The following IL6R variants were observed in gnomAD, a reference collection of about 807,000 sequenced individuals.
IL6R encodes interleukin 6 receptor.
IL6R carries 38 observed loss-of-function variants against 48.3 expected under a neutral mutation model. That is an observed-to-expected ratio of 0.79 (90% CI 0.61 to 1.03). The LOEUF is 1.03. Ranked by LOEUF, IL6R falls within the 50% of genes least tolerant of loss-of-function variation. The probability of loss-of-function intolerance (pLI) is 0.00; values close to 1 mark genes in which losing one functional copy is unlikely to be tolerated. For missense variants in IL6R, 534 were observed against 618.3 expected, an observed-to-expected ratio of 0.86 and a Z score of 1.45; for synonymous variants, 264 against 256.2, an observed-to-expected ratio of 1.03 and a Z score of -0.29.
At chr1:154,454,106 G>T (rs775857379) in intron 8 of IL6R, 2 of 235,610 alleles carry the variant, frequency 8.5e-6, no homozygotes, top group Middle Eastern at 1.6e-3. Context: ...AAAGCCTTCC[G>T]TTTGTTGTAC....
rs1056035629 is a variant in IL6R at position 154,468,176 on chromosome 1, G to C, written c.*2796G>C. 7 of 152,188 alleles carry C rather than the reference G, an allele frequency of 4.6e-5. No homozygotes were observed. The highest frequency in any genetic ancestry group is 1.7e-4 in the African/African-American group (7 of 41,426). The allele number at this position is 152,188 out of a possible 1,614,324, so 9.4% of individuals were successfully genotyped here. A position where few individuals can be genotyped will look rare whatever the true frequency, so the allele number is the denominator to read the frequency against. ...CTCTGGGCTGTAGGCCTGGCTCAGCGTACACAGGTATACATCCTAAGCTCT... is the reference window on the plus strand; with the variant it reads ...CTCTGGGCTGTAGGCCTGGCTCAGCCTACACAGGTATACATCCTAAGCTCT... On this transcript the variant is annotated 3_prime_UTR_variant, in exon 10 of 10. Transcript: ENST00000368485.
intron 1 of IL6R, among the ~76,000 whole-genome samples, chr1:154,420,689 C>A (rs1458460749): frequency 6.6e-6 from 1 of 151,618 alleles, no homozygotes; most frequent in Admixed American, 6.6e-5. Context: ...GCACACACCA[C>A]CAAGCCTGGC....
chr1:154,437,562 T>C (rs1288224970), intron 6 of IL6R: 1 of 393,738 alleles, frequency 2.5e-6, no homozygotes, highest in Non-Finnish European at 5.2e-6. Flanking sequence ...CACAGGCGTG[T>C]GCCACAATGC....
intron 6 of IL6R, among the ~76,000 whole-genome samples, chr1:154,442,580 G>GC (rs1156774227): frequency 3.3e-5 from 5 of 152,274 alleles, no homozygotes; most frequent in Admixed American, 1.3e-4. Flanking sequence ...CTGGGGCCTG[G>GC]CCCCCCGCAC....
At chr1:154,419,429 T>C (rs974704728) in intron 1 of IL6R, among the ~76,000 whole-genome samples, 10 of 152,208 alleles carry the variant, frequency 6.6e-5, no homozygotes, top group African/African-American at 2.4e-4. Flanking sequence ...GTCCACAGGC[T>C]TCTCCTGGAG....
intron 1 of IL6R, among the ~76,000 whole-genome samples, chr1:154,418,608 G>A (rs2149217296): frequency 6.6e-6 from 1 of 152,328 alleles, no homozygotes; most frequent in Middle Eastern, 3.4e-3. Context: ...TAGAGCCTGG[G>A]AGCCTTGACT....
At chr1:154,408,343 A>G (rs1687848288) in intron 1 of IL6R, among the ~76,000 whole-genome samples, 1 of 152,184 alleles carries the variant, frequency 6.6e-6, no homozygotes, top group Non-Finnish European at 1.5e-5. Flanking sequence ...CATTGCAGCA[A>G]ACATTTCTTG....
intron 9 of IL6R, 104 bp from the exon 10 acceptor site, chr1:154,465,030 G>A (rs566684669): frequency 4.6e-5 from 63 of 1,365,522 alleles, no homozygotes; most frequent in African/African-American, 1.9e-4. Flanking sequence ...AAACCTGGGC[G>A]CGCCAGGCCA....
chr1:154,444,208 CTT>C (rs562457712), intron 6 of IL6R, among the ~76,000 whole-genome samples: 19 of 138,132 alleles, frequency 1.4e-4, no homozygotes, highest in Admixed American at 4.4e-4. Context: ...AAGTTGCTAG[CTT>C]TTTTTTTTTT....
intron 1 of IL6R, among the ~76,000 whole-genome samples, chr1:154,427,198 G>GTGAGGCCCAGCTGGGACTCAGATTTTGC (rs1570947007): frequency 1.3e-5 from 2 of 152,286 alleles, no homozygotes; most frequent in East Asian, 3.9e-4. Context: ...GATTACAGGT[G>GTGAGGCCCAGCTGGGACTCAGATTTTGC]TGAGGCCCAG....
intron 1 of IL6R, chr1:154,414,287 C>T: frequency 1.6e-6 from 1 of 612,608 alleles, no homozygotes; most frequent in Non-Finnish European, 2.7e-6. Flanking sequence ...AATGTCAATC[C>T]ACCTTTATTG....
At chr1:154,420,887 C>T (rs1370942487) in intron 1 of IL6R, among the ~76,000 whole-genome samples, 1 of 152,174 alleles carries the variant, frequency 6.6e-6, no homozygotes, top group Admixed American at 6.5e-5. Context: ...ACGTTTGTGT[C>T]AGCCCAACCC....
intron 8 of IL6R, among the ~76,000 whole-genome samples, chr1:154,450,324 C>T (rs1024853495): frequency 1.3e-5 from 2 of 152,098 alleles, no homozygotes; most frequent in African/African-American, 4.8e-5. Flanking sequence ...CAGGGTTTCA[C>T]TATGTTGGCC....
chr1:154,439,349 C>T (rs780799399), intron 6 of IL6R, among the ~76,000 whole-genome samples: 1 of 152,216 alleles, frequency 6.6e-6, no homozygotes, highest in Admixed American at 6.5e-5. Flanking sequence ...GAGTCTCGCT[C>T]TGTCGCCCAG....
At chr1:154,443,351 G>GTTAAA (rs1225780192) in intron 6 of IL6R, among the ~76,000 whole-genome samples, 1 of 152,142 alleles carries the variant, frequency 6.6e-6, no homozygotes. Flanking sequence ...CTCCCAAGTG[G>GTTAAA]GACATTCTGG....
intron 4 of IL6R, 40 bp downstream of exon 4, chr1:154,434,740 C>G (rs1689512053): frequency 1.3e-6 from 2 of 1,576,594 alleles, no homozygotes; most frequent in African/African-American, 2.7e-5. Flanking sequence ...GTTTCCTTCT[C>G]TTTTGATTTA....
intron 1 of IL6R, among the ~76,000 whole-genome samples, chr1:154,406,971 C>T (rs895696047): frequency 2.0e-5 from 3 of 152,132 alleles, no homozygotes; most frequent in South Asian, 2.1e-4. Flanking sequence ...GTTGGGATGG[C>T]GGGATGGCAG....
chr1:154,405,606 T>C lies in IL6R; in HGVS notation c.-24T>C. ...TAGCCTGTCCGCCTCTGCGGGACCATGGAGTGGTAGCCGAGGAGGAAGCAT... is the reference window on the plus strand; with the variant it reads ...TAGCCTGTCCGCCTCTGCGGGACCACGGAGTGGTAGCCGAGGAGGAAGCAT... On this transcript the variant is annotated 5_prime_UTR_variant, in exon 1 of 10. The change abolishes an upstream ATG in the 5' untranslated region. Transcript: ENST00000368485. This position sits in a 1 kb window ranked among gnomAD's most constrained non-coding sequence, Gnocchi z 5.2. 1.5e-6 allele frequency: 2 copies of C among 1,340,780 alleles called. No homozygotes were observed. The highest frequency in any genetic ancestry group is 1.6e-5 in the African/African-American group (1 of 63,324). The allele number at this position is 1,340,780 out of a possible 1,614,324, so 83.1% of individuals were successfully genotyped here. A position where few individuals can be genotyped will look rare whatever the true frequency, so the allele number is the denominator to read the frequency against.
intron 6 of IL6R, among the ~76,000 whole-genome samples, chr1:154,436,609 G>A (rs1357437848): frequency 3.9e-5 from 6 of 152,188 alleles, no homozygotes; most frequent in African/African-American, 1.4e-4. Context: ...GATTGGGATG[G>A]TCTGAGATGG....
Sources: allele counts gnomAD v4.1 joint callset (sites outside exome capture counted in the v4.1 genomes callset), GRCh38; gene constraint gnomAD v4.1.1; non-coding constraint Gnocchi (gnomAD v3.1); transcripts MANE v1.5; gene names NCBI Gene and HGNC (gene_info 2026-07-23, HGNC 2026-07-21).